The following CFAP47 variants were observed in gnomAD, a reference collection of about 807,000 sequenced individuals.
CFAP47 encodes the protein cilia- and flagella-associated protein 47.
In CFAP47, 29 loss-of-function variants were observed where a neutral mutation model predicts 148.1. The ratio of observed to expected loss-of-function variants is 0.20; its 90% CI spans 0.15 to 0.27. The LOEUF (loss-of-function observed/expected upper bound fraction) is 0.27. Among genes scored for constraint, CFAP47 ranks in the 10% least tolerant of loss-of-function variants. CFAP47 has a pLI of 1.00. For missense variants in CFAP47, 1,872 were observed against 1,697.5 expected, an observed-to-expected ratio of 1.10 and a Z score of -1.81; for synonymous variants, 664 against 577.3, an observed-to-expected ratio of 1.15 and a Z score of -2.15.
chrX:35,944,589 C>A (rs1936058833), intron 3 of CFAP47, among the ~76,000 whole-genome samples: 1 of 111,384 alleles, frequency 9.0e-6, no homozygotes, highest in Non-Finnish European at 1.9e-5. Flanking sequence ...TAGCAATAGC[C>A]TGGGGTACAT....
intron 29 of CFAP47, among the ~76,000 whole-genome samples, chrX:36,075,281 G>T (rs1424056293): frequency 3.7e-5 from 4 of 109,152 alleles, no homozygotes; most frequent in Non-Finnish European, 7.6e-5. Flanking sequence ...AGACTGGGGT[G>T]TAGTGGCGCA....
At position 36,201,406 on chromosome X, in the gene CFAP47, C is replaced by T. The variant is rs1555988020; in HGVS notation, c.6569C>T (p.Ser2190Leu). ...ALAFAAQQQM[S>L]SIEYERRLIT... ...GCTTTTGCAGCACAGCAACAGATGTCGAGTATTGAGTATGAGCGAAGGTTG... is the reference window on the plus strand; with the variant it reads ...GCTTTTGCAGCACAGCAACAGATGTTGAGTATTGAGTATGAGCGAAGGTTG... Residue 2190 changes from serine to leucine, a missense_variant, in exon 44 of 64, where the codon TCG (serine) becomes TTG (leucine). Coordinates refer to ENST00000378653, the MANE Select transcript of CFAP47 (RefSeq NM_001304548.2). The T allele has an allele frequency of 1.4e-5, 4 of 294,997 alleles. No individual in the cohort carries two copies. Among genetic ancestry groups the T allele is most frequent in the African/African-American group, 8.3e-5 (3 of 36,185 alleles). 24.3% of individuals were successfully genotyped at this position (294,997 alleles called of 1,213,427 possible). A position where few individuals can be genotyped will look rare whatever the true frequency, so the allele number is the denominator to read the frequency against.
At chrX:36,285,478 A>T (rs1274379477) in intron 50 of CFAP47, among the ~76,000 whole-genome samples, 151 bp from the exon 51 acceptor site, 2 of 111,883 alleles carry the variant, frequency 1.8e-5, no homozygotes, top group Non-Finnish European at 3.8e-5. Context: ...ACTGTGATAA[A>T]AACAGCTTCT....
At chrX:36,337,774 C>T (rs930696504) in intron 57 of CFAP47, among the ~76,000 whole-genome samples, 25 of 109,958 alleles carry the variant, frequency 2.3e-4, no homozygotes, top group Non-Finnish European at 4.4e-4. Flanking sequence ...CTCATATTGG[C>T]CAGTCCTCCA....
intron 48 of CFAP47, among the ~76,000 whole-genome samples, chrX:36,248,044 A>G (rs1474045989): frequency 1.8e-5 from 2 of 109,844 alleles, no homozygotes; most frequent in Admixed American, 2.0e-4. Flanking sequence ...CTGCATATGA[A>G]GAGACATTTT....
intron 22 of CFAP47, among the ~76,000 whole-genome samples, chrX:36,016,473 C>T (rs1479488553): frequency 9.0e-6 from 1 of 110,816 alleles, no homozygotes; most frequent in Non-Finnish European, 1.9e-5. Flanking sequence ...CATATTGTTG[C>T]TAATGACAGG....
intron 61 of CFAP47, among the ~76,000 whole-genome samples, chrX:36,361,970 G>A (rs1423881013): frequency 9.0e-6 from 1 of 111,568 alleles, no homozygotes; most frequent in Non-Finnish European, 1.9e-5. Flanking sequence ...GAATCTGTGC[G>A]AAGGGTGGCC....
Position 35,975,797 on chromosome X carries a change from A to G in CFAP47, c.2597A>G (p.Lys866Arg). 1 of 1,211,235 alleles carries G rather than the reference A, an allele frequency of 8.3e-7. No homozygotes were observed. Among genetic ancestry groups the G allele is most frequent in the Admixed American group, 2.2e-5 (1 of 45,993 alleles). ...TTGAGACCACGAGGCTTCTTCATGA[A>G]AACATGTTTTCGGGGGACAGTTAGA... ...LVLRPRGFFM[K>R]TCFRGTVRLY... Residue 866 changes from lysine (K) to arginine (R), a missense_variant, in exon 15 of 64, where the codon AAA becomes AGA. Coordinates refer to ENST00000378653, the MANE Select transcript of CFAP47 (RefSeq NM_001304548.2).
At chrX:36,214,914 T>C (rs1347165136) in intron 45 of CFAP47, among the ~76,000 whole-genome samples, 2 of 112,253 alleles carry the variant, frequency 1.8e-5, no homozygotes, top group African/African-American at 6.5e-5. Flanking sequence ...AGAAAAAGTA[T>C]AGTATAATAA....
At chrX:36,170,901 A>C (rs1305330128) in intron 39 of CFAP47, among the ~76,000 whole-genome samples, 7 of 107,548 alleles carry the variant, frequency 6.5e-5, no homozygotes, top group Non-Finnish European at 1.2e-4. Flanking sequence ...GAACTAGTTT[A>C]CAGTCCCACC....
At chrX:36,039,822 G>T (rs766032117) in intron 25 of CFAP47, among the ~76,000 whole-genome samples, 1 of 112,037 alleles carries the variant, frequency 8.9e-6, no homozygotes, top group South Asian at 3.7e-4. Flanking sequence ...CCATCTCTCA[G>T]ACTTCTCTGC....
chrX:36,318,166 T>A (rs1233361282), intron 56 of CFAP47, among the ~76,000 whole-genome samples: 2 of 112,249 alleles, frequency 1.8e-5, no homozygotes, highest in African/African-American at 6.5e-5. Context: ...TTCCCTTTTA[T>A]CGTATACCAC....
intron 49 of CFAP47, among the ~76,000 whole-genome samples, chrX:36,253,626 G>A (rs1940717614): frequency 9.0e-6 from 1 of 111,446 alleles, no homozygotes; most frequent in African/African-American, 3.3e-5. Flanking sequence ...TTTCAATTCT[G>A]TTATTGATTA....
chrX:36,275,677 G>T (rs1230593965), intron 49 of CFAP47, among the ~76,000 whole-genome samples: 1 of 110,659 alleles, frequency 9.0e-6, no homozygotes, highest in African/African-American at 3.3e-5. Flanking sequence ...TCTTTGTCTG[G>T]TTTGGTATCA....
chrX:36,153,321 A>G (rs960819567), intron 37 of CFAP47, among the ~76,000 whole-genome samples: 6 of 112,180 alleles, frequency 5.3e-5, no homozygotes, highest in African/African-American at 1.9e-4. Flanking sequence ...AAGGCACCAG[A>G]ATAATCTTCT....
At chrX:36,218,604 G>A (rs1555990423) in intron 45 of CFAP47, among the ~76,000 whole-genome samples, 1 of 111,635 alleles carries the variant, frequency 9.0e-6, no homozygotes, top group African/African-American at 3.3e-5. Context: ...TTTTGTTGAT[G>A]AAAAAGCCAA....
chrX:36,154,917 TA>T (rs1284266763), intron 37 of CFAP47, among the ~76,000 whole-genome samples: 2 of 109,542 alleles, frequency 1.8e-5, no homozygotes, highest in African/African-American at 3.4e-5. Context: ...CACTTCTCAA[TA>T]CTAATTTGCC....
At chrX:36,326,268 T>C (rs1351706190) in intron 57 of CFAP47, among the ~76,000 whole-genome samples, 4 of 109,709 alleles carry the variant, frequency 3.6e-5, no homozygotes, top group Non-Finnish European at 7.6e-5. Context: ...CCTTTGCACT[T>C]ACAGAAGAAT....
At chrX:36,118,389 A>AT (rs772465565) in intron 33 of CFAP47, among the ~76,000 whole-genome samples, 1 of 111,567 alleles carries the variant, frequency 9.0e-6, no homozygotes, top group African/African-American at 3.3e-5. Flanking sequence ...ATATCTTTCC[A>AT]TTTTTTTATG....
Sources: gnomAD v4.1 joint callset for allele counts (sites outside exome capture counted in the v4.1 genomes callset) on GRCh38, gnomAD v4.1.1 for gene constraint, MANE v1.5 for transcripts, NCBI Gene and HGNC (gene_info 2026-07-23, HGNC 2026-07-21) for gene names.